Variants in DRC11 observed in about 807,000 individuals in gnomAD.
The protein encoded by DRC11 is IQ and AAA domain-containing protein 1.
chr2:236,465,458 G>C, the DRC11 span: 12 of 1,482,620 alleles, frequency 8.1e-6, no homozygotes, highest in Admixed American at 2.0e-4. The surrounding 1 kb of genome is among the most constrained non-coding windows in gnomAD (Gnocchi z 6.2). Flanking sequence ...AATAACCTCA[G>C]CCACTAAAGA....
chr2:236,493,707 G>A, the DRC11 span: 2 of 1,345,318 alleles, frequency 1.5e-6, no homozygotes, highest in African/African-American at 1.5e-5. Context: ...ACAATTAGGA[G>A]CAGCAGAAAA....
the DRC11 span, chr2:236,331,816 T>C: frequency 2.9e-4 from 158 of 542,160 alleles, 4 homozygotes; most frequent in South Asian, 3.3e-3. This position sits in a 1 kb window ranked among gnomAD's most constrained non-coding sequence, Gnocchi z 4.8. Context: ...CTGAGGTCTA[T>C]AGATCCACAA....
chr2:236,386,418 C>T, the DRC11 span, among the ~76,000 whole-genome samples: 1 of 152,032 alleles, frequency 6.6e-6, no homozygotes, highest in Non-Finnish European at 1.5e-5. Flanking sequence ...GGAATTTATC[C>T]ATTTCTTCTA....
chr2:236,459,589 G>GTATATA, the DRC11 span, among the ~76,000 whole-genome samples: 3 of 125,714 alleles, frequency 2.4e-5, no homozygotes, highest in African/African-American at 5.9e-5. Context: ...ACGTATATAC[G>GTATATA]TATACGTATA....
At chr2:236,365,035 C>T in the DRC11 span, among the ~76,000 whole-genome samples, 4 of 152,110 alleles carry the variant, frequency 2.6e-5, no homozygotes, top group Non-Finnish European at 5.9e-5. This position sits in a 1 kb window ranked among gnomAD's most constrained non-coding sequence, Gnocchi z 7.4. Flanking sequence ...AGGAGAGACT[C>T]TTTTTCCACA....
chr2:236,378,185 G>T, the DRC11 span, among the ~76,000 whole-genome samples: 1 of 152,144 alleles, frequency 6.6e-6, no homozygotes, highest in Non-Finnish European at 1.5e-5. Context: ...AACATTTAAA[G>T]TAGTATGCCC....
At chr2:236,507,155 G>A in the DRC11 span, 76 of 1,228,226 alleles carry the variant, frequency 6.2e-5, no homozygotes, top group African/African-American at 9.4e-4. Context: ...GAGAGGGGAG[G>A]AGAAAAGAAA....
At chr2:236,458,029 C>CTAT in the DRC11 span, among the ~76,000 whole-genome samples, 1 of 152,032 alleles carries the variant, frequency 6.6e-6, no homozygotes, top group African/African-American at 2.4e-5. Context: ...TTGTGAGTCT[C>CTAT]TATTATTATT....
the DRC11 span, among the ~76,000 whole-genome samples, chr2:236,383,732 T>TATAC: frequency 2.6e-5 from 4 of 152,058 alleles, no homozygotes; most frequent in Admixed American, 6.5e-5. Flanking sequence ...GTTACATATG[T>TATAC]ATACATGTGC....
the DRC11 span, among the ~76,000 whole-genome samples, chr2:236,342,155 C>T: frequency 2.6e-5 from 4 of 152,168 alleles, no homozygotes; most frequent in African/African-American, 4.8e-5. This position sits in a 1 kb window ranked among gnomAD's most constrained non-coding sequence, Gnocchi z 5.8. Context: ...GGGGATTTCC[C>T]GGAGTCCCTC....
the DRC11 span, among the ~76,000 whole-genome samples, chr2:236,372,144 CT>C: frequency 6.6e-6 from 1 of 152,110 alleles, no homozygotes; most frequent in Admixed American, 6.6e-5. The surrounding 1 kb of genome is among the most constrained non-coding windows in gnomAD (Gnocchi z 4.5). Flanking sequence ...CACGAAATAT[CT>C]CGTTTTTATT....
the DRC11 span, among the ~76,000 whole-genome samples, chr2:236,406,553 T>C: frequency 6.6e-6 from 1 of 151,782 alleles, no homozygotes; most frequent in East Asian, 1.9e-4. The surrounding 1 kb of genome is among the most constrained non-coding windows in gnomAD (Gnocchi z 4.7). Flanking sequence ...GGGGGAGAGG[T>C]CGACCAGCGA....
At chr2:236,422,115 A>G in the DRC11 span, among the ~76,000 whole-genome samples, 1 of 152,244 alleles carries the variant, frequency 6.6e-6, no homozygotes, top group South Asian at 2.1e-4. Context: ...GAATGAGCAA[A>G]AACTGGAAGC....
At chr2:236,334,582 C>T in the DRC11 span, among the ~76,000 whole-genome samples, 1 of 152,314 alleles carries the variant, frequency 6.6e-6, no homozygotes, top group East Asian at 1.9e-4. The surrounding 1 kb of genome is among the most constrained non-coding windows in gnomAD (Gnocchi z 7.8). Flanking sequence ...TCTACATTCT[C>T]TTTCCCTTCT....
chr2:236,507,209 G>C, the DRC11 span: 3 of 1,605,040 alleles, frequency 1.9e-6, 1 homozygote, highest in Non-Finnish European at 2.6e-6. Context: ...CCACCTTCTG[G>C]CTTGGGGAAG....
At chr2:236,391,594 C>T in the DRC11 span, 2 of 212,790 alleles carry the variant, frequency 9.4e-6, no homozygotes, top group Admixed American at 1.1e-4. The surrounding 1 kb of genome is among the most constrained non-coding windows in gnomAD (Gnocchi z 4.5). Context: ...CCCTATGATT[C>T]CCTCACTCAC....
chr2:236,459,536 T>TGGAAGGAAATTTATCAAAAA, the DRC11 span, among the ~76,000 whole-genome samples: 1 of 121,886 alleles, frequency 8.2e-6, no homozygotes, highest in African/African-American at 3.3e-5. Flanking sequence ...CATGTATACG[T>TGGAAGGAAATTTATCAAAAA]ATACGTATAC....
chr2:236,465,556 T>G, the DRC11 span: 1 of 1,614,020 alleles, frequency 6.2e-7, no homozygotes, highest in Non-Finnish European at 8.5e-7. This position sits in a 1 kb window ranked among gnomAD's most constrained non-coding sequence, Gnocchi z 6.2. Context: ...CTCCTTGATA[T>G]CCACGCCTTC....
the DRC11 span, among the ~76,000 whole-genome samples, chr2:236,444,425 G>C: frequency 3.9e-3 from 590 of 152,350 alleles, 5 homozygotes; most frequent in African/African-American, 0.013. Context: ...AAAATAGCAC[G>C]CAATGTCTTG....
Sources: gnomAD v4.1 joint callset for allele counts (sites outside exome capture counted in the v4.1 genomes callset) on GRCh38, gnomAD v4.1.1 for gene constraint, Gnocchi (gnomAD v3.1) non-coding constraint, MANE v1.5 for transcripts, NCBI Gene and HGNC (gene_info 2026-07-23, HGNC 2026-07-21) for gene names.